The following IMMP2L variants were observed in gnomAD, a reference collection of about 807,000 sequenced individuals.
IMMP2L encodes the protein inner mitochondrial membrane peptidase subunit 2.
A neutral mutation model predicts 19.3 loss-of-function variants in IMMP2L; 18 were observed. The ratio of observed to expected loss-of-function variants is 0.93; its 90% CI spans 0.64 to 1.38. The LOEUF is 1.38. IMMP2L is among the 40% of genes most tolerant of loss of function. The pLI, the probability that IMMP2L is intolerant of heterozygous loss-of-function variation, is 0.00. For synonymous variants in IMMP2L, 76 were observed against 73.0 expected (o/e 1.04, Z -0.21); for missense variants, 233 against 218.2 (o/e 1.07, Z -0.43).
chr7:110,902,863 C>T lies in IMMP2L; in HGVS notation c.306-16168G>A, dbSNP rs1283819292. On this transcript the variant is annotated intron_variant, in intron 4 of 5. Transcript: ENST00000405709. Reference sequence around the variant, plus strand: ...AGGAGAATGGCGTGAACCCGGGAGGCGGAGCATGCAGTGAGCCGAGATTGC... The same window carrying T: ...AGGAGAATGGCGTGAACCCGGGAGGTGGAGCATGCAGTGAGCCGAGATTGC... 4.6e-5 allele frequency among the ~76,000 whole-genome samples: 4 copies of T among 86,116 alleles called. 2 individuals carry two copies. Among genetic ancestry groups the T allele is most frequent in the Non-Finnish European group, 8.1e-5 (4 of 49,282 alleles). 56.5% of individuals were successfully genotyped at this position (86,116 alleles called of 152,430 possible). A position where few individuals can be genotyped will look rare whatever the true frequency, so the allele number is the denominator to read the frequency against.
intron 2 of IMMP2L, among the ~76,000 whole-genome samples, chr7:111,506,845 C>G (rs1222278291): frequency 6.6e-6 from 1 of 151,726 alleles, no homozygotes; most frequent in Admixed American, 6.6e-5. Context: ...TTTGTTTTTG[C>G]TTTTGTTTTT....
intron 5 of IMMP2L, among the ~76,000 whole-genome samples, chr7:110,701,192 T>C (rs1223304281): frequency 6.6e-6 from 1 of 152,154 alleles, no homozygotes; most frequent in Non-Finnish European, 1.5e-5. Flanking sequence ...TAACCTATCA[T>C]AGTGTAGTTT....
At chr7:110,996,218 T>C (rs556499219) in intron 3 of IMMP2L, among the ~76,000 whole-genome samples, 53 of 152,248 alleles carry the variant, frequency 3.5e-4, no homozygotes, top group African/African-American at 1.3e-3. Context: ...AGGGAAGTCC[T>C]CTCTGAAGAA....
intron 3 of IMMP2L, among the ~76,000 whole-genome samples, chr7:111,141,477 A>G (rs1296048540): frequency 6.6e-6 from 1 of 151,824 alleles, no homozygotes; most frequent in Non-Finnish European, 1.5e-5. Context: ...CCTACAGATA[A>G]TCACTGCCTT....
intron 3 of IMMP2L, among the ~76,000 whole-genome samples, chr7:111,451,176 G>A (rs1466476591): frequency 1.4e-5 from 2 of 145,154 alleles, no homozygotes; most frequent in Non-Finnish European, 3.0e-5. Context: ...TCTAGAACTA[G>A]AAATACCATT....
intron 3 of IMMP2L, among the ~76,000 whole-genome samples, chr7:111,066,232 C>T (rs1216133914): frequency 2.6e-5 from 4 of 152,092 alleles, no homozygotes; most frequent in Non-Finnish European, 4.4e-5. Flanking sequence ...CCACCCAACT[C>T]GGCCTCCCAA....
At chr7:111,062,045 G>A (rs1184282766) in intron 3 of IMMP2L, among the ~76,000 whole-genome samples, 2 of 152,084 alleles carry the variant, frequency 1.3e-5, no homozygotes, top group Admixed American at 1.3e-4. Flanking sequence ...CACTTGCTTA[G>A]CACCCTTTCT....
In IMMP2L at chr7:111,415,499, T is replaced by C. The variant is rs376520958; in HGVS notation, c.239+71739A>G. On this transcript the variant is annotated intron_variant, in intron 3 of 5. Coordinates refer to ENST00000405709, the MANE Select transcript of IMMP2L (RefSeq NM_032549.4). ...GGCTTATTAAACAGCAATAGAAAAC[T>C]AATACAGTCTGTTACCTTCAGGTTG... 2.2e-4 allele frequency among the ~76,000 whole-genome samples: 34 copies of C among 151,944 alleles called. No individual in the cohort carries two copies. The South Asian group carries it at 7.1e-3, about 32-fold the overall frequency.
At chr7:111,412,441 T>C (rs925402292) in intron 3 of IMMP2L, among the ~76,000 whole-genome samples, 5 of 151,840 alleles carry the variant, frequency 3.3e-5, no homozygotes, top group African/African-American at 1.2e-4. Flanking sequence ...TCACTCAAAG[T>C]ACTTTCTTTG....
intron 3 of IMMP2L, among the ~76,000 whole-genome samples, chr7:111,328,130 G>T (rs1257560224): frequency 1.3e-5 from 2 of 151,596 alleles, no homozygotes; most frequent in Admixed American, 6.6e-5. Context: ...GAACTTGTAC[G>T]ATTTTTGAAA....
intron 3 of IMMP2L, among the ~76,000 whole-genome samples, chr7:111,037,367 C>T (rs553414817): frequency 3.3e-5 from 5 of 152,122 alleles, no homozygotes; most frequent in Non-Finnish European, 5.9e-5. Flanking sequence ...AGAGGAGAAA[C>T]AGTGGAAAAG....
intron 3 of IMMP2L, among the ~76,000 whole-genome samples, chr7:111,316,132 GTAT>G (rs1824049003): frequency 1.3e-5 from 2 of 152,064 alleles, no homozygotes; most frequent in Non-Finnish European, 2.9e-5. Flanking sequence ...TAAAAACATG[GTAT>G]TATCCTCTTA....
At chr7:110,932,783 C>T (rs1815654213) in intron 4 of IMMP2L, among the ~76,000 whole-genome samples, 2 of 152,080 alleles carry the variant, frequency 1.3e-5, no homozygotes, top group Admixed American at 1.3e-4. Context: ...TGAGGTACTC[C>T]CTATGGGAAT....
At chr7:111,193,410 G>C (rs148829461) in intron 3 of IMMP2L, among the ~76,000 whole-genome samples, 1 of 152,030 alleles carries the variant, frequency 6.6e-6, no homozygotes, top group African/African-American at 2.4e-5. Flanking sequence ...ATAAAATTGA[G>C]GTGATTTTTG....
At chr7:110,865,496 A>G (rs1807892680) in intron 5 of IMMP2L, among the ~76,000 whole-genome samples, 1 of 152,090 alleles carries the variant, frequency 6.6e-6, no homozygotes, top group Non-Finnish European at 1.5e-5. Flanking sequence ...TATGGCTGAT[A>G]TATTTTTACC....
At chr7:111,444,371 A>G (rs1838077165) in intron 3 of IMMP2L, among the ~76,000 whole-genome samples, 1 of 152,058 alleles carries the variant, frequency 6.6e-6, no homozygotes, top group Non-Finnish European at 1.5e-5. Flanking sequence ...GCTTGGTTCA[A>G]ATTCTGCTTC....
intron 5 of IMMP2L, among the ~76,000 whole-genome samples, chr7:110,851,823 G>C (rs148107846): frequency 6.6e-6 from 1 of 152,220 alleles, no homozygotes; most frequent in African/African-American, 2.4e-5. Context: ...ACATTGATTT[G>C]TATTGATATA....
intron 3 of IMMP2L, among the ~76,000 whole-genome samples, chr7:111,035,436 A>T (rs1225593202): frequency 6.6e-6 from 1 of 152,216 alleles, no homozygotes; most frequent in Non-Finnish European, 1.5e-5. Context: ...ATGCTTTCAG[A>T]GATGAGGTTA....
chr7:110,901,588 C>A lies in IMMP2L; in HGVS notation c.306-14893G>T, dbSNP rs147969634. Among the ~76,000 whole-genome samples the A allele has an allele frequency of 2.0e-5, 3 of 152,214 alleles. No homozygotes were observed. In the East Asian group the frequency reaches 5.8e-4, roughly 29 times the overall value. ...CGATGACTAACACATTTCAGGACTTCTTTTTATATTCTCCCTTGTGGACAT... is the reference window on the plus strand; with the variant it reads ...CGATGACTAACACATTTCAGGACTTATTTTTATATTCTCCCTTGTGGACAT... On this transcript the variant is annotated intron_variant, in intron 4 of 5. Transcript: ENST00000405709.
Sources: gnomAD v4.1 joint callset for allele counts (sites outside exome capture counted in the v4.1 genomes callset) on GRCh38, gnomAD v4.1.1 for gene constraint, MANE v1.5 for transcripts, NCBI Gene and HGNC (gene_info 2026-07-23, HGNC 2026-07-21) for gene names.